Variants in SGO2 observed in about 807,000 individuals in gnomAD.
SGO2 encodes shugoshin-like 2.
In SGO2, 68 loss-of-function variants were observed where a neutral mutation model predicts 99.5. That is an observed-to-expected ratio of 0.68 (90% CI 0.56 to 0.84). The LOEUF is 0.84. SGO2 is among the 40% of genes least tolerant of loss of function. The pLI is 0.00. For missense variants in SGO2, 1,350 were observed against 1,436.7 expected (o/e 0.94, Z 0.97); for synonymous variants, 457 against 487.1 (o/e 0.94, Z 0.81).
At position 200,571,248 on chromosome 2, in the gene SGO2, C is replaced by T; in HGVS notation, c.902C>T (p.Ser301Leu). Reference protein sequence around the residue: ...CATVLDKQHISSPELNCNNEI... With the variant: ...CATVLDKQHILSPELNCNNEI... ...ACAGTTTTAGATAAACAACACATTT[C>T]AAGTCCAGAATTAAATTGCAATAAT... Residue 301 changes from serine (S) to leucine (L), a missense_variant, in exon 7 of 9, where the codon TCA becomes TTA. By Grantham distance (145) the Ser-to-Leu change is moderately radical. Coordinates refer to ENST00000357799, the MANE Select transcript of SGO2 (RefSeq NM_152524.6). 1 of 1,613,408 alleles carries T rather than the reference C, an allele frequency of 6.2e-7. No individual in the cohort carries two copies. Among genetic ancestry groups the T allele is most frequent in the East Asian group, 2.2e-5 (1 of 44,856 alleles).
At chr2:200,543,672 A>G (rs1408456596) in intron 5 of SGO2, 1 of 152,156 alleles carries the variant, frequency 6.6e-6, no homozygotes, top group Non-Finnish European at 1.5e-5. Context: ...CTTGCCTATT[A>G]TGTGTGTTAT....
At position 200,573,272 on chromosome 2, in the gene SGO2, A is replaced by T. The variant is rs757057424; in HGVS notation, c.2926A>T (p.Ile976Phe). ...NSNEKESCDQ[I>F]LDSYKVVKKR... Reference sequence around the variant, plus strand: ...TAATGAAAAGGAAAGTTGTGATCAAATTTTAGATTCCTACAAAGTAGTTAA... The same window carrying T: ...TAATGAAAAGGAAAGTTGTGATCAATTTTTAGATTCCTACAAAGTAGTTAA... Residue 976 changes from isoleucine (I) to phenylalanine (F), a missense_variant, in exon 7 of 9, where the codon ATT (isoleucine) becomes TTT (phenylalanine). Transcript: ENST00000357799. The T allele has an allele frequency of 6.2e-7, 1 of 1,601,136 alleles. No individual in the cohort carries two copies. The highest frequency in any genetic ancestry group is 1.1e-5 in the South Asian group (1 of 87,506).
chr2:200,541,991 A>G (rs1287794049), intron 4 of SGO2, among the ~76,000 whole-genome samples: 1 of 152,018 alleles, frequency 6.6e-6, no homozygotes, highest in Non-Finnish European at 1.5e-5. Flanking sequence ...TAGCTATTCT[A>G]GGTCTTCTGC....
rs2033387516 is a variant in SGO2 at position 200,570,932 on chromosome 2, C to T, written c.704-118C>T. On this transcript the variant is annotated intron_variant, in intron 6 of 8. Transcript: ENST00000357799. This position sits in a 1 kb window ranked among gnomAD's most constrained non-coding sequence, Gnocchi z 4.4. ...ATTCTTAGTAATATTAGGATCTGAT[C>T]AGAACACATTGTCAGAAATTATATC... 2.2e-6 allele frequency: 2 copies of T among 889,426 alleles called. No individual in the cohort carries two copies. Among genetic ancestry groups the T allele is most frequent in the East Asian group, 2.7e-5 (1 of 37,112 alleles). 55.1% of individuals were successfully genotyped at this position (889,426 alleles called of 1,614,324 possible).
chr2:200,536,169 G>A, intron 4 of SGO2, 27 bp downstream of exon 4: 1 of 1,406,042 alleles, frequency 7.1e-7, no homozygotes, highest in South Asian at 1.3e-5. Context: ...TGTAAATAGT[G>A]TTGTTCTTTA....
intron 5 of SGO2, among the ~76,000 whole-genome samples, chr2:200,556,774 A>G (rs2032735951): frequency 1.3e-5 from 2 of 152,178 alleles, no homozygotes; most frequent in African/African-American, 4.8e-5. Flanking sequence ...AACTGCTCAA[A>G]ACAATTTTTA....
intron 8 of SGO2, among the ~76,000 whole-genome samples, chr2:200,580,875 A>T (rs930370390): frequency 6.6e-5 from 10 of 152,274 alleles, no homozygotes; most frequent in South Asian, 2.1e-4. Context: ...ATTTTTTTTT[A>T]AAGTGTCTTT....
At chr2:200,555,876 T>C (rs945831936) in intron 5 of SGO2, among the ~76,000 whole-genome samples, 1 of 152,142 alleles carries the variant, frequency 6.6e-6, no homozygotes, top group Non-Finnish European at 1.5e-5. Flanking sequence ...TTTCATGAGG[T>C]AAATAGGTTT....
intron 8 of SGO2, among the ~76,000 whole-genome samples, chr2:200,576,519 T>G (rs1574887068): frequency 6.6e-6 from 1 of 152,128 alleles, no homozygotes; most frequent in Admixed American, 6.5e-5. Context: ...GATGTTGCAG[T>G]GAGCTGAGAT....
At chr2:200,555,003 A>G (rs550003104) in intron 5 of SGO2, among the ~76,000 whole-genome samples, 8 of 152,280 alleles carry the variant, frequency 5.3e-5, no homozygotes, top group African/African-American at 1.9e-4. Flanking sequence ...CCCCTTTAAT[A>G]TGTTCTCACA....
chr2:200,581,188 T>A (rs1266213138), intron 8 of SGO2, among the ~76,000 whole-genome samples: 2 of 152,200 alleles, frequency 1.3e-5, no homozygotes, highest in Non-Finnish European at 2.9e-5. Context: ...ATATTCTCCA[T>A]AATCAAGGTC....
chr2:200,560,455 C>CT (rs975095738), intron 5 of SGO2, among the ~76,000 whole-genome samples: 2 of 151,848 alleles, frequency 1.3e-5, no homozygotes, highest in African/African-American at 2.4e-5. Flanking sequence ...AAGAAGTTCC[C>CT]TTTTTTCTGG....
chr2:200,582,633 T>C (rs2033877125), intron 8 of SGO2, among the ~76,000 whole-genome samples: 1 of 152,152 alleles, frequency 6.6e-6, no homozygotes, highest in African/African-American at 2.4e-5. Context: ...TGAACTATAG[T>C]GCTCTGTTGT....
intron 5 of SGO2, among the ~76,000 whole-genome samples, chr2:200,561,247 A>G (rs2032947719): frequency 6.6e-6 from 1 of 152,038 alleles, no homozygotes; most frequent in Non-Finnish European, 1.5e-5. Context: ...TCCTGTGTCC[A>G]AGTGTTCTCA....
At chr2:200,550,018 T>G in intron 5 of SGO2, among the ~76,000 whole-genome samples, 1 of 152,240 alleles carries the variant, frequency 6.6e-6, no homozygotes, top group East Asian at 1.9e-4. Flanking sequence ...AGTTGCAGGA[T>G]GCAAAATCAA....
At chr2:200,582,775 G>A (rs776545030) in intron 8 of SGO2, among the ~76,000 whole-genome samples, 1 of 152,102 alleles carries the variant, frequency 6.6e-6, no homozygotes, top group Admixed American at 6.5e-5. Flanking sequence ...GGGGAACAAG[G>A]TATCAGCAGA....
chr2:200,583,472 T>G lies in SGO2; in HGVS notation c.*8T>G. On this transcript the variant is annotated 3_prime_UTR_variant, in exon 9 of 9. Coordinates refer to ENST00000357799, the MANE Select transcript of SGO2 (RefSeq NM_152524.6). The stretch of plus-strand genomic sequence containing the variant: ...AGCAAGATGAGAAGATGAAGTGAAT[T>G]TATGGATTCTGGTTTTTCTGAATTT... 2 of 1,585,688 alleles carry G rather than the reference T, an allele frequency of 1.3e-6. No homozygotes were observed. The highest frequency in any genetic ancestry group is 1.7e-6 in the Non-Finnish European group (2 of 1,168,206).
intron 1 of SGO2, chr2:200,532,299 T>TTTAAAAA: frequency 2.3e-6 from 1 of 434,202 alleles, no homozygotes. Flanking sequence ...TTTTTTTTTT[T>TTTAAAAA]CAGATCTCTT....
At chr2:200,527,947 G>C (rs1434684610) in intron 1 of SGO2, among the ~76,000 whole-genome samples, 1 of 152,172 alleles carries the variant, frequency 6.6e-6, no homozygotes, top group Non-Finnish European at 1.5e-5. Flanking sequence ...TGACATTTTG[G>C]CAAATGCTCG....
Sources: gnomAD v4.1 joint callset for allele counts (sites outside exome capture counted in the v4.1 genomes callset) on GRCh38, gnomAD v4.1.1 for gene constraint, Gnocchi (gnomAD v3.1) non-coding constraint, MANE v1.5 for transcripts, NCBI Gene and HGNC (gene_info 2026-07-23, HGNC 2026-07-21) for gene names.